The following SNURF variants were observed in gnomAD, a reference collection of about 807,000 sequenced individuals.
SNURF encodes SNURF protein.
A neutral mutation model predicts 11.6 loss-of-function variants in SNURF; 6 were observed. That is an observed-to-expected ratio of 0.52 (90% CI 0.28 to 1.02). The LOEUF is 1.02. Ranked by LOEUF, SNURF falls within the 50% of genes least tolerant of loss-of-function variation. SNURF has a pLI of 0.09. For missense variants in SNURF, 84 were observed against 88.4 expected (o/e 0.95, Z 0.20); for synonymous variants, 29 against 31.6 (o/e 0.92, Z 0.27).
chr15:24,955,606 G>A (rs866784390), intron 1 of SNURF, among the ~76,000 whole-genome samples: 4 of 149,602 alleles, frequency 2.7e-5, no homozygotes, highest in South Asian at 2.2e-4. Flanking sequence ...GGGCGACTGG[G>A]GGGGGAATTC....
At chr15:24,976,174 T>C in intron 4 of SNURF, 1 of 719,092 alleles carries the variant, frequency 1.4e-6, no homozygotes. Flanking sequence ...ATTTTTTGGC[T>C]TGTTTTTCAG....
intron 4 of SNURF, among the ~76,000 whole-genome samples, chr15:24,976,040 G>A (rs1367142430): frequency 6.6e-6 from 1 of 152,124 alleles, no homozygotes; most frequent in Non-Finnish European, 1.5e-5. Flanking sequence ...TTCTTAAAAG[G>A]TATTTCACAA....
At chr15:24,973,131 C>A (rs552561106), downstream of SNURF, among the ~76,000 whole-genome samples, 1 of 152,072 alleles carries the variant, frequency 6.6e-6, no homozygotes, top group Non-Finnish European at 1.5e-5. Flanking sequence ...TCAGGTGATC[C>A]GCCCACCTCG....
In SNURF at chr15:24,977,804, T is replaced by C. The variant is rs781125322; in HGVS notation, c.*489T>C. 4 of 1,613,110 alleles carry C rather than the reference T, an allele frequency of 2.5e-6. No homozygotes were observed. In the African/African-American group the frequency reaches 4.0e-5, roughly 16 times the overall value. On this transcript the variant is annotated 3_prime_UTR_variant and NMD_transcript_variant, in exon 7 of 7. Coordinates refer to the SNURF transcript ENST00000580062. ...TAATGACTCCACAGGGAAGAGGCAC[T>C]GTAGCAGCTGCTGCTGTTGCTGCGA...
intron 1 of SNURF, among the ~76,000 whole-genome samples, chr15:24,959,887 C>G (rs1303849177): frequency 1.3e-5 from 2 of 152,256 alleles, no homozygotes; most frequent in Non-Finnish European, 2.9e-5. Flanking sequence ...TTACTTAGCC[C>G]TCGTATATGC....
exon 4 of SNURF, chr15:24,975,398 AT>A (rs770445659): frequency 6.2e-7 from 1 of 1,613,538 alleles, no homozygotes; most frequent in Non-Finnish European, 8.5e-7. Flanking sequence ...CACATTGACT[AT>A]AGAATGAGAT....
At chr15:24,975,430 A>G in exon 4 of SNURF, 1 of 1,613,362 alleles carries the variant, frequency 6.2e-7, no homozygotes, top group Non-Finnish European at 8.5e-7. Context: ...AGATGGCCGA[A>G]TCTTCATTGG....
chr15:24,978,561 T>C (rs1225881679), downstream of SNURF: 3 of 928,758 alleles, frequency 3.2e-6, no homozygotes, highest in Non-Finnish European at 5.3e-6. Context: ...TAATAATAAA[T>C]GCATAGAGCA....
chr15:24,965,073 G>GT (rs1214993428), intron 2 of SNURF, among the ~76,000 whole-genome samples: 2 of 152,038 alleles, frequency 1.3e-5, no homozygotes, highest in Non-Finnish European at 2.9e-5. Context: ...AGCAGGATTG[G>GT]TTAACACTGC....
chr15:24,968,500 ATAAAT>A (rs1566967288), downstream of SNURF: 2 of 156,314 alleles, frequency 1.3e-5, no homozygotes, highest in African/African-American at 4.8e-5. Flanking sequence ...AGATGTGAAA[ATAAAT>A]TGAATCAAGG....
At chr15:24,967,893 G>A (rs2075890520) in intron 2 of SNURF, 39 bp from the exon 3 acceptor site, 1 of 1,507,174 alleles carries the variant, frequency 6.6e-7, no homozygotes, top group African/African-American at 1.4e-5. Flanking sequence ...AAAGACAAAT[G>A]TATTTTTATC....
intron 3 of SNURF, chr15:24,974,342 C>A: frequency 1.1e-6 from 1 of 951,726 alleles, no homozygotes; most frequent in Non-Finnish European, 1.7e-6. Flanking sequence ...TTCTGCCCAG[C>A]TTGCATTGTT....
Position 24,974,864 on chromosome 15 carries a change from A to G in SNURF, c.*46-494A>G, listed in dbSNP as rs939357134. The G allele has an allele frequency of 7.1e-5, 50 of 700,068 alleles. 1 individual carries two copies. The highest frequency in any genetic ancestry group is 4.6e-4 in the Middle Eastern group (2 of 4,372). The allele number at this position is 700,068 out of a possible 1,614,324, so 43.4% of individuals were successfully genotyped here. Reference sequence around the variant, plus strand: ...ATGAGATGAGCCACTGTGCCTGGCCATGAGAAATGTTTCATGATGTGAGAA... The same window carrying G: ...ATGAGATGAGCCACTGTGCCTGGCCGTGAGAAATGTTTCATGATGTGAGAA... On this transcript the variant is annotated intron_variant and NMD_transcript_variant, in intron 3 of 6. Transcript: ENST00000580062.
chr15:24,976,805 G>T, intron 5 of SNURF: 1 of 1,359,712 alleles, frequency 7.4e-7, no homozygotes. Flanking sequence ...GGAGAGAAGT[G>T]ATCTCTGATG....
intron 2 of SNURF, among the ~76,000 whole-genome samples, chr15:24,964,373 A>C (rs188225681): frequency 8.6e-5 from 13 of 151,578 alleles, no homozygotes; most frequent in African/African-American, 2.9e-4. Context: ...ATGGAGTGCA[A>C]CCTCCGCCTA....
chr15:24,964,127 G>A (rs553824077), intron 2 of SNURF, among the ~76,000 whole-genome samples: 2 of 151,680 alleles, frequency 1.3e-5, no homozygotes, highest in East Asian at 1.9e-4. Context: ...TTATTTTGCC[G>A]ATTTTTACTA....
At chr15:24,977,958 TGAGA>T (rs3071831), downstream of SNURF, 211 of 1,508,596 alleles carry the variant, frequency 1.4e-4, 2 homozygotes, top group African/African-American at 2.7e-3. Flanking sequence ...GAATCTCTGA[TGAGA>T]GATAGCTTAC....
At chr15:24,977,708 A>G (rs1037782030) in intron 6 of SNURF, 2 of 1,415,426 alleles carry the variant, frequency 1.4e-6, no homozygotes, top group Non-Finnish European at 1.9e-6. Context: ...CATTTTTCTC[A>G]TTTATTTTCT....
At chr15:24,970,798 G>A (rs2076304577), downstream of SNURF, among the ~76,000 whole-genome samples, 1 of 152,000 alleles carries the variant, frequency 6.6e-6, no homozygotes, top group African/African-American at 2.4e-5. Context: ...ACCACCCTTT[G>A]TATTCTGGTG....
Sources: allele counts gnomAD v4.1 joint callset (sites outside exome capture counted in the v4.1 genomes callset), GRCh38; gene constraint gnomAD v4.1.1; transcripts MANE v1.5; gene names NCBI Gene and HGNC (gene_info 2026-07-23, HGNC 2026-07-21).